The following GRIP1 variants were observed in gnomAD, a reference collection of about 807,000 sequenced individuals.
GRIP1 encodes the protein glutamate receptor interacting protein 1.
GRIP1 carries 45 observed loss-of-function variants against 129.9 expected under a neutral mutation model. The observed-to-expected ratio is 0.35, with a 90% CI of 0.27 to 0.44. The LOEUF (loss-of-function observed/expected upper bound fraction) is 0.44, where lower values mean the gene tolerates loss of function less well. GRIP1 is among the 20% of genes least tolerant of loss of function. The probability of loss-of-function intolerance (pLI) is 1.00; values close to 1 mark genes in which losing one functional copy is unlikely to be tolerated. For synonymous variants in GRIP1, 530 were observed against 520.8 expected, an observed-to-expected ratio of 1.02 and a Z score of -0.24; for missense variants, 1,196 against 1,396.8, an observed-to-expected ratio of 0.86 and a Z score of 2.29.
intron 5 of GRIP1, among the ~76,000 whole-genome samples, chr12:66,527,913 A>G (rs1361851522): frequency 1.3e-5 from 2 of 151,818 alleles, no homozygotes; most frequent in African/African-American, 4.8e-5. Context: ...CCAAGCCCCC[A>G]TGACATGCAA....
intron 7 of GRIP1, among the ~76,000 whole-genome samples, chr12:66,498,363 C>T (rs914429522): frequency 6.6e-6 from 1 of 152,176 alleles, no homozygotes; most frequent in African/African-American, 2.4e-5. Context: ...GGGAGAAGTA[C>T]TAAACAGTTA....
chr12:66,758,184 G>A (rs1304901092), intron 1 of GRIP1, among the ~76,000 whole-genome samples: 1 of 152,100 alleles, frequency 6.6e-6, no homozygotes, highest in Admixed American at 6.5e-5. Context: ...AGATTTAATT[G>A]GACTTACAGT....
At chr12:66,725,837 T>C (rs1343051531) in intron 1 of GRIP1, among the ~76,000 whole-genome samples, 2 of 152,220 alleles carry the variant, frequency 1.3e-5, no homozygotes, top group Non-Finnish European at 2.9e-5. Context: ...TTAATGTTGG[T>C]AAAGCTCTTC....
chr12:66,848,056 T>C (rs575123961), intron 1 of GRIP1, among the ~76,000 whole-genome samples: 10 of 152,340 alleles, frequency 6.6e-5, no homozygotes, highest in Middle Eastern at 3.4e-3. Flanking sequence ...TTATGCTTTA[T>C]ATCATATCCG....
At chr12:66,757,046 G>A (rs1232504432) in intron 1 of GRIP1, among the ~76,000 whole-genome samples, 9 of 152,108 alleles carry the variant, frequency 5.9e-5, no homozygotes, top group Non-Finnish European at 2.9e-5. Flanking sequence ...TATCACATGA[G>A]GGTAAATGAG....
intron 1 of GRIP1, among the ~76,000 whole-genome samples, chr12:66,933,471 A>C (rs1592361872): frequency 1.3e-5 from 2 of 152,254 alleles, no homozygotes; most frequent in East Asian, 3.8e-4. Flanking sequence ...ACTATACTAA[A>C]TGCAGAATAT....
rs1169331519 is a variant in GRIP1, at chr12:66,451,383, G to GTTTT, written c.1354+4022_1354+4025dup. On this transcript the variant is annotated intron_variant, in intron 11 of 24. Transcript: ENST00000359742. Reference sequence around the variant, plus strand: ...CCCCAAAGATTTATTATTATAATCTGTTTTTTTTTTTTTTTTTTTTTTTTT... The same window carrying GTTTT: ...CCCCAAAGATTTATTATTATAATCTGTTTTTTTTTTTTTTTTTTTTTTTTTTTTT... 1.4e-4 allele frequency among the ~76,000 whole-genome samples: 6 copies of GTTTT among 42,656 alleles called. 1 individual carries two copies. Among genetic ancestry groups the GTTTT allele is most frequent in the East Asian group, 6.7e-4 (1 of 1,498 alleles). 28.0% of individuals were successfully genotyped at this position (42,656 alleles called of 152,430 possible). A position where few individuals can be genotyped will look rare whatever the true frequency, so the allele number is the denominator to read the frequency against.
At chr12:67,041,339 T>A (rs1204947734) in intron 1 of GRIP1, among the ~76,000 whole-genome samples, 1 of 152,098 alleles carries the variant, frequency 6.6e-6, no homozygotes, top group African/African-American at 2.4e-5. Flanking sequence ...TGTGTGTGTA[T>A]AGACACACAT....
intron 19 of GRIP1, among the ~76,000 whole-genome samples, chr12:66,388,340 G>T (rs1029979048): frequency 6.6e-6 from 1 of 152,102 alleles, no homozygotes; most frequent in Non-Finnish European, 1.5e-5. Flanking sequence ...GAAAACAAAT[G>T]ATCAAAATGA....
intron 7 of GRIP1, among the ~76,000 whole-genome samples, chr12:66,470,256 T>C (rs1289462201): frequency 1.3e-5 from 2 of 152,180 alleles, no homozygotes; most frequent in Non-Finnish European, 2.9e-5. Context: ...ACCTGCATGA[T>C]CTGGCTTCTG....
intron 7 of GRIP1, among the ~76,000 whole-genome samples, chr12:66,471,699 C>T (rs17826610): frequency 0.22 from 33,678 of 151,980 alleles, 4,302 homozygotes; most frequent in Middle Eastern, 0.41. Flanking sequence ...AAAAGATATC[C>T]CTCTCATGGG....
At chr12:66,955,781 A>ACC (rs2041831330) in intron 1 of GRIP1, among the ~76,000 whole-genome samples, 1 of 152,204 alleles carries the variant, frequency 6.6e-6, no homozygotes, top group African/African-American at 2.4e-5. Flanking sequence ...TGCTGGGATT[A>ACC]CAGGCGTGAG....
chr12:66,827,071 T>C (rs1305908852), intron 1 of GRIP1, among the ~76,000 whole-genome samples: 1 of 152,168 alleles, frequency 6.6e-6, no homozygotes, highest in East Asian at 1.9e-4. Flanking sequence ...TATTAGCATC[T>C]TTTGTCACAT....
At position 66,734,531 on chromosome 12, in the gene GRIP1, T is replaced by G. The variant is rs548459030; in HGVS notation, c.-420+69522A>C. Among the ~76,000 whole-genome samples the G allele has an allele frequency of 8.2e-4, 125 of 152,314 alleles. 1 individual carries two copies. The highest frequency in any genetic ancestry group is 2.9e-3 in the African/African-American group (121 of 41,576). ...AAAAATTAAAATCACCCCTCTGAAC[T>G]GTACTTTAAAGAAGGAAACAAGAGT... On this transcript the variant is annotated intron_variant, in intron 1 of 4. Transcript: ENST00000538373.
chr12:66,584,396 T>A (rs1285576118), intron 2 of GRIP1, among the ~76,000 whole-genome samples: 1 of 151,352 alleles, frequency 6.6e-6, no homozygotes, highest in Non-Finnish European at 1.5e-5. Flanking sequence ...ACCCTAAAAC[T>A]TAAAGTATAA....
chr12:66,433,863 C>G (rs2137984472), intron 13 of GRIP1, among the ~76,000 whole-genome samples: 1 of 152,282 alleles, frequency 6.6e-6, no homozygotes, highest in African/African-American at 2.4e-5. Flanking sequence ...TGACTCAAGG[C>G]AGGTGCCTAT....
intron 1 of GRIP1, among the ~76,000 whole-genome samples, chr12:66,651,186 C>G (rs775729809): frequency 2.0e-5 from 3 of 152,140 alleles, no homozygotes; most frequent in Non-Finnish European, 4.4e-5. Context: ...TATAGCAACT[C>G]TGGAATATTA....
intron 7 of GRIP1, among the ~76,000 whole-genome samples, chr12:66,478,302 G>A (rs1008701213): frequency 1.3e-5 from 2 of 152,198 alleles, no homozygotes; most frequent in African/African-American, 4.8e-5. Context: ...GGCCATCAGA[G>A]AAATGCAATT....
intron 7 of GRIP1, among the ~76,000 whole-genome samples, chr12:66,514,097 T>C (rs1422757758): frequency 6.6e-6 from 1 of 152,200 alleles, no homozygotes; most frequent in Non-Finnish European, 1.5e-5. Context: ...TTGTCCTTTA[T>C]GGCAACGATC....
Sources: gnomAD v4.1 joint callset for allele counts (sites outside exome capture counted in the v4.1 genomes callset) on GRCh38, gnomAD v4.1.1 for gene constraint, MANE v1.5 for transcripts, NCBI Gene and HGNC (gene_info 2026-07-23, HGNC 2026-07-21) for gene names.